Variants in CAB39 observed in about 807,000 individuals in gnomAD.
The protein encoded by CAB39 is calcium-binding protein 39.
A neutral mutation model predicts 40.0 loss-of-function variants in CAB39; 8 were observed. The observed-to-expected ratio is 0.20, with a 90% CI of 0.12 to 0.36. The LOEUF is 0.36. Ranked by LOEUF, CAB39 falls within the 10% of genes least tolerant of loss-of-function variation. CAB39 has a pLI of 1.00. For missense variants in CAB39, 270 were observed against 401.1 expected (o/e 0.67, Z 2.79); for synonymous variants, 156 against 141.6 (o/e 1.10, Z -0.72).
intron 1 of CAB39, among the ~76,000 whole-genome samples, chr2:230,727,510 G>A (rs1694608474): frequency 6.6e-6 from 1 of 151,256 alleles, no homozygotes; most frequent in African/African-American, 2.4e-5. Context: ...AACCTTCTGG[G>A]CTTGAGTGAT....
chr2:230,798,132 G>A (rs935795595), intron 4 of CAB39, among the ~76,000 whole-genome samples: 2 of 152,160 alleles, frequency 1.3e-5, no homozygotes, highest in Non-Finnish European at 2.9e-5. Context: ...GCTGATGAGG[G>A]GGGTCTGCCT....
chr2:230,719,653 C>A (rs916160485), intron 1 of CAB39, among the ~76,000 whole-genome samples: 12 of 152,178 alleles, frequency 7.9e-5, no homozygotes, highest in Admixed American at 7.9e-4. Flanking sequence ...GCCTGGGAAT[C>A]GAAAGATCTG....
rs954864063 is a variant in CAB39 at position 230,819,065 on chromosome 2, G to A, written c.*361G>A. The A allele has an allele frequency of 3.0e-5, 5 of 167,134 alleles. No homozygotes were observed. In the South Asian group the frequency reaches 5.9e-4, roughly 20 times the overall value. 10.4% of individuals were successfully genotyped at this position (167,134 alleles called of 1,614,324 possible). A position where few individuals can be genotyped will look rare whatever the true frequency, so the allele number is the denominator to read the frequency against. ...TGTGTTTGCACCCATCTTTGTTGGC[G>A]ATCTGAGTGCAGTGTGGCAAGTGCA... is the stretch of plus-strand genomic sequence containing the variant. On this transcript the variant is annotated 3_prime_UTR_variant, in exon 9 of 9. Transcript: ENST00000258418.
chr2:230,744,570 G>T (rs539042873), intron 1 of CAB39, among the ~76,000 whole-genome samples: 3 of 152,242 alleles, frequency 2.0e-5, no homozygotes, highest in Non-Finnish European at 2.9e-5. Context: ...GGGATTACAG[G>T]CGTGAGCCAC....
intron 1 of CAB39, among the ~76,000 whole-genome samples, chr2:230,754,923 T>C (rs1695163781): frequency 6.6e-6 from 1 of 152,216 alleles, no homozygotes; most frequent in African/African-American, 2.4e-5. Flanking sequence ...CACATGTCAG[T>C]GAGAACATTA....
chr2:230,799,417 C>T (rs940489671), intron 5 of CAB39, among the ~76,000 whole-genome samples: 4 of 152,202 alleles, frequency 2.6e-5, no homozygotes, highest in South Asian at 4.1e-4. Context: ...AAATGTAGAG[C>T]GTGGACAGAA....
intron 5 of CAB39, among the ~76,000 whole-genome samples, chr2:230,805,338 A>G (rs1696172186): frequency 1.3e-5 from 2 of 152,212 alleles, no homozygotes; most frequent in South Asian, 4.2e-4. Context: ...AACATGGCAC[A>G]TGTATACATA....
chr2:230,716,100 T>G (rs112610013), intron 1 of CAB39, among the ~76,000 whole-genome samples: 1,953 of 152,344 alleles, frequency 0.013, 42 homozygotes, highest in Middle Eastern at 0.061. Flanking sequence ...TTTTACATTC[T>G]AAGGTGTATT....
chr2:230,774,733 A>C (rs1015925387), intron 2 of CAB39, among the ~76,000 whole-genome samples: 2 of 152,180 alleles, frequency 1.3e-5, no homozygotes, highest in African/African-American at 4.8e-5. Flanking sequence ...TCTTCATAGC[A>C]TGGCCATTTA....
intron 1 of CAB39, among the ~76,000 whole-genome samples, chr2:230,756,038 C>T (rs1695183606): frequency 2.0e-5 from 3 of 152,166 alleles, no homozygotes; most frequent in Admixed American, 2.0e-4. Flanking sequence ...GGCAGCGTCC[C>T]CCCCGGGAGA....
intron 2 of CAB39, among the ~76,000 whole-genome samples, chr2:230,788,900 A>G (rs1695843815): frequency 6.6e-6 from 1 of 151,964 alleles, no homozygotes; most frequent in African/African-American, 2.4e-5. Context: ...CATGCTTGGG[A>G]TTTTTCAATG....
chr2:230,722,391 A>C (rs1324428339), intron 1 of CAB39, among the ~76,000 whole-genome samples: 20 of 152,208 alleles, frequency 1.3e-4, no homozygotes, highest in Non-Finnish European at 2.9e-5. Context: ...TCCTGGGCTC[A>C]AGCGATCCTC....
intron 2 of CAB39, among the ~76,000 whole-genome samples, chr2:230,770,355 TCAACAG>T (rs1307640806): frequency 6.6e-6 from 1 of 152,164 alleles, no homozygotes; most frequent in African/African-American, 2.4e-5. Flanking sequence ...GCCATTAAAC[TCAACAG>T]CTTAGATGAA....
intron 1 of CAB39, among the ~76,000 whole-genome samples, chr2:230,741,859 A>G (rs1305952254): frequency 6.6e-6 from 1 of 152,224 alleles, no homozygotes; most frequent in Non-Finnish European, 1.5e-5. Flanking sequence ...GTTGCTGGCT[A>G]ACTGGAGAAA....
intron 2 of CAB39, among the ~76,000 whole-genome samples, chr2:230,763,925 T>C (rs1695338201): frequency 6.6e-6 from 1 of 152,026 alleles, no homozygotes; most frequent in Non-Finnish European, 1.5e-5. Context: ...AGTTCGAGAC[T>C]AGCATGACCA....
At position 230,793,199 on chromosome 2, in the gene CAB39, T is replaced by C; in HGVS notation, c.280-14T>C. On this transcript the variant is annotated splice_polypyrimidine_tract_variant and intron_variant, in intron 3 of 8. Transcript: ENST00000258418. ...TTGGTCAGGAAAATGTGTTAATGAT[T>C]GTATTCCTAATAGGGCAAAAAAGAC... 6.8e-7 allele frequency: 1 copy of C among 1,473,318 alleles called. No homozygotes were observed. Among genetic ancestry groups the C allele is most frequent in the Non-Finnish European group, 9.5e-7 (1 of 1,055,242 alleles). 91.3% of individuals were successfully genotyped at this position (1,473,318 alleles called of 1,614,324 possible).
At chr2:230,815,036 G>A (rs375430972) in intron 7 of CAB39, among the ~76,000 whole-genome samples, 3 of 152,148 alleles carry the variant, frequency 2.0e-5, no homozygotes, top group African/African-American at 7.2e-5. Context: ...CCTTCCTACC[G>A]TGGGGAAATC....
At chr2:230,817,074 A>T (rs1575967520) in intron 7 of CAB39, among the ~76,000 whole-genome samples, 1 of 152,238 alleles carries the variant, frequency 6.6e-6, no homozygotes, top group African/African-American at 2.4e-5. Flanking sequence ...TTTATATGAT[A>T]TAACCAACTC....
intron 1 of CAB39, among the ~76,000 whole-genome samples, chr2:230,743,615 GA>G (rs1480031590): frequency 6.6e-6 from 1 of 152,104 alleles, no homozygotes; most frequent in Non-Finnish European, 1.5e-5. Flanking sequence ...CTTTATTTAT[GA>G]TGTTATTAAG....
Sources: gnomAD v4.1 joint callset for allele counts (sites outside exome capture counted in the v4.1 genomes callset) on GRCh38, gnomAD v4.1.1 for gene constraint, MANE v1.5 for transcripts, NCBI Gene and HGNC (gene_info 2026-07-23, HGNC 2026-07-21) for gene names.